Variants in ADAM9 observed in about 807,000 individuals in gnomAD.
ADAM9 encodes ADAM metallopeptidase domain 9, also known as disintegrin and metalloproteinase domain-containing protein 9.
A neutral mutation model predicts 108.1 loss-of-function variants in ADAM9; 54 were observed. The observed-to-expected ratio is 0.50, with a 90% confidence interval of 0.40 to 0.63. ADAM9 has a LOEUF of 0.63. ADAM9 is among the 20% of genes least tolerant of loss of function. The pLI is 0.00. For synonymous variants in ADAM9, 316 were observed against 336.0 expected (o/e 0.94, Z 0.65); for missense variants, 830 against 997.7 (o/e 0.83, Z 2.26).
intron 18 of ADAM9, among the ~76,000 whole-genome samples, chr8:39,086,524 A>G (rs775387108): frequency 6.6e-6 from 1 of 152,092 alleles, no homozygotes; most frequent in Non-Finnish European, 1.5e-5. Flanking sequence ...AAGATGCTCA[A>G]TCTTTACTTT....
At chr8:39,084,285 G>T (rs7013358) in intron 18 of ADAM9, among the ~76,000 whole-genome samples, 62,145 of 150,444 alleles carry the variant, frequency 0.41, 13,532 homozygotes, top group East Asian at 0.73. Flanking sequence ...CTTACTTTGG[G>T]TTTCATTTGT....
At chr8:39,001,769 G>A (rs1164742273) in intron 1 of ADAM9, among the ~76,000 whole-genome samples, 1 of 151,786 alleles carries the variant, frequency 6.6e-6, no homozygotes, top group African/African-American at 2.4e-5. Context: ...CCAGGTTCAA[G>A]CGATCCTTCT....
At chr8:39,026,416 TTCCTA>T (rs1418092129) in intron 10 of ADAM9, among the ~76,000 whole-genome samples, 1 of 152,228 alleles carries the variant, frequency 6.6e-6, no homozygotes, top group Non-Finnish European at 1.5e-5. Context: ...TTAACTTGTT[TTCCTA>T]TAAACTACCA....
intron 15 of ADAM9, among the ~76,000 whole-genome samples, chr8:39,073,152 TG>T: frequency 6.6e-6 from 1 of 152,336 alleles, no homozygotes; most frequent in East Asian, 1.9e-4. Flanking sequence ...ATTCTGCAGT[TG>T]TTAGAGATGT....
chr8:39,087,600 GA>G (rs1360595668), intron 18 of ADAM9, among the ~76,000 whole-genome samples: 1 of 152,192 alleles, frequency 6.6e-6, no homozygotes, highest in Non-Finnish European at 1.5e-5. Context: ...AGTTTGAAGA[GA>G]ATAATCCTTT....
At chr8:39,037,285 G>A (rs999874349) in intron 11 of ADAM9, among the ~76,000 whole-genome samples, 1 of 146,204 alleles carries the variant, frequency 6.8e-6, no homozygotes, top group African/African-American at 2.5e-5. Context: ...TCCTGACCTC[G>A]TGATCCACCC....
intron 21 of ADAM9, 87 bp downstream of exon 21, chr8:39,102,017 T>C: frequency 8.8e-7 from 1 of 1,130,284 alleles, no homozygotes; most frequent in South Asian, 1.3e-5. Flanking sequence ...TTAATGTAAT[T>C]TAGTGAAAGG....
chr8:39,101,793 ATTTCTTC>A, intron 20 of ADAM9, 63 bp from the exon 21 acceptor site: 1 of 1,211,592 alleles, frequency 8.3e-7, no homozygotes, highest in Admixed American at 1.9e-5. Context: ...AAATATGTAG[ATTTCTTC>A]TATTTAGAAA....
At position 39,103,781 on chromosome 8, in the gene ADAM9, C is replaced by T; in HGVS notation, c.*81C>T. On this transcript the variant is annotated 3_prime_UTR_variant, in exon 22 of 22. Transcript: ENST00000487273. ...TTTTTCTTGATGTTTTCTTGAAAAG[C>T]CTTTCTGTTGCAACTATGAATGAAA... 7.3e-7 allele frequency: 1 copy of T among 1,370,628 alleles called. No homozygotes were observed. The allele number at this position is 1,370,628 out of a possible 1,614,324, so 84.9% of individuals were successfully genotyped here. A position where few individuals can be genotyped will look rare whatever the true frequency, so the allele number is the denominator to read the frequency against.
At chr8:39,048,841 T>C (rs903494812) in intron 12 of ADAM9, among the ~76,000 whole-genome samples, 8 of 152,074 alleles carry the variant, frequency 5.3e-5, no homozygotes, top group African/African-American at 1.7e-4. Context: ...CTTTGTGTTT[T>C]GTGACAATTC....
chr8:39,066,919 A>C (rs948108479), intron 14 of ADAM9, among the ~76,000 whole-genome samples: 1 of 152,126 alleles, frequency 6.6e-6, no homozygotes, highest in Non-Finnish European at 1.5e-5. Context: ...ATCTTGAATT[A>C]ATTTTTGTAT....
chr8:39,094,623 T>C (rs1374966302), intron 20 of ADAM9, among the ~76,000 whole-genome samples: 3 of 152,164 alleles, frequency 2.0e-5, no homozygotes, highest in African/African-American at 7.2e-5. Flanking sequence ...TCTTTTCAGA[T>C]TTTTTATTTT....
intron 12 of ADAM9, among the ~76,000 whole-genome samples, chr8:39,053,170 T>G (rs897055113): frequency 6.6e-6 from 1 of 152,200 alleles, no homozygotes; most frequent in African/African-American, 2.4e-5. Context: ...TTCCCTCATT[T>G]AAAAATTTTG....
At chr8:39,044,788 G>C (rs1837562121) in intron 12 of ADAM9, among the ~76,000 whole-genome samples, 1 of 152,064 alleles carries the variant, frequency 6.6e-6, no homozygotes, top group Non-Finnish European at 1.5e-5. Context: ...CTCCATCCAT[G>C]TTGCTGCAGA....
chr8:39,059,322 A>G (rs1588395434), intron 14 of ADAM9, among the ~76,000 whole-genome samples: 1 of 152,220 alleles, frequency 6.6e-6, no homozygotes, highest in Non-Finnish European at 1.5e-5. Flanking sequence ...AATGTAATCA[A>G]CCTGCCACCA....
intron 16 of ADAM9, among the ~76,000 whole-genome samples, chr8:39,077,613 G>A (rs979755382): frequency 1.3e-5 from 2 of 152,136 alleles, no homozygotes; most frequent in African/African-American, 4.8e-5. Flanking sequence ...GATAACCAGT[G>A]TTTTCCACTT....
rs140952284 is a variant in ADAM9 at position 39,103,118 on chromosome 8, C to T, written c.2367-489C>T. 3.9e-5 allele frequency among the ~76,000 whole-genome samples: 6 copies of T among 152,196 alleles called. No individual in the cohort carries two copies. The East Asian group carries it at 5.8e-4, about 15-fold the overall frequency. On this transcript the variant is annotated intron_variant, in intron 21 of 21. Transcript: ENST00000487273. ...TAGAATTGGATGATGAGGTTAGGAG[C>T]GGGTGTCCACAGGTGGAAGTATGAG... is the stretch of plus-strand genomic sequence containing the variant.
intron 12 of ADAM9, among the ~76,000 whole-genome samples, chr8:39,054,178 G>C (rs1455522494): frequency 6.6e-6 from 1 of 152,154 alleles, no homozygotes; most frequent in South Asian, 2.1e-4. Flanking sequence ...TGGATTTCTA[G>C]CCTCAAGAAC....
chr8:39,070,153 A>AC (rs1838635571), intron 14 of ADAM9, among the ~76,000 whole-genome samples: 2 of 9,486 alleles, frequency 2.1e-4, no homozygotes, highest in African/African-American at 9.4e-4. Context: ...ACTCTGTCTC[A>AC]AAAAAAAAAA....
Sources: gnomAD v4.1 joint callset for allele counts (sites outside exome capture counted in the v4.1 genomes callset) on GRCh38, gnomAD v4.1.1 for gene constraint, MANE v1.5 for transcripts, NCBI Gene and HGNC (gene_info 2026-07-23, HGNC 2026-07-21) for gene names.